CNTN5: variants seen among roughly 807,000 people sequenced by gnomAD.
CNTN5 encodes the protein contactin-5.
Under a neutral mutation model 129.1 loss-of-function variants are expected in CNTN5, and 77 were observed. The ratio of observed to expected loss-of-function variants is 0.60; its 90% confidence interval spans 0.50 to 0.72. The LOEUF is 0.72. Ranked by LOEUF, CNTN5 falls within the 30% of genes least tolerant of loss-of-function variation. The pLI, the probability that CNTN5 is intolerant of heterozygous loss-of-function variation, is 0.00. For synonymous variants in CNTN5, 509 were observed against 465.6 expected, an observed-to-expected ratio of 1.09 and a Z score of -1.20; for missense variants, 1,478 against 1,328.8, an observed-to-expected ratio of 1.11 and a Z score of -1.75.
intron 3 of CNTN5, among the ~76,000 whole-genome samples, chr11:99,770,083 A>T (rs1299572696): frequency 6.6e-6 from 1 of 152,178 alleles, no homozygotes; most frequent in Admixed American, 6.6e-5. Flanking sequence ...TTCCTGGAAC[A>T]GGAGTGTTTG....
intron 2 of CNTN5, among the ~76,000 whole-genome samples, chr11:99,415,666 G>A (rs1942625055): frequency 6.6e-6 from 1 of 152,116 alleles, no homozygotes; most frequent in African/African-American, 2.4e-5. Flanking sequence ...GGGAGAGCAG[G>A]AGAGTGTCAA....
chr11:100,206,012 T>G (rs1404714952), intron 15 of CNTN5, among the ~76,000 whole-genome samples: 2 of 152,060 alleles, frequency 1.3e-5, no homozygotes, highest in Non-Finnish European at 2.9e-5. Flanking sequence ...ATGGGAGGTA[T>G]ACGAATACAA....
rs1944038689 is a variant in CNTN5, at chr11:100,074,252, T to C, written c.1538T>C (p.Ile513Thr). ...CCCCAAGGCTCTCCAAAACCAACCATCTCTTGGAAGAAAGGAGACAGAGCA... is the reference window on the plus strand; with the variant it reads ...CCCCAAGGCTCTCCAAAACCAACCACCTCTTGGAAGAAAGGAGACAGAGCA... ...CKPQGSPKPT[I>T]SWKKGDRAVR... Residue 513 changes from isoleucine to threonine, a missense_variant, in exon 13 of 25, where the codon ATC becomes ACC. Ile to Thr is a moderately conservative substitution (Grantham distance 89, BLOSUM62 -1). Transcript: ENST00000524871. 1 of 1,610,236 alleles carries C rather than the reference T, an allele frequency of 6.2e-7. No homozygotes were observed. The highest frequency in any genetic ancestry group is 8.5e-7 in the Non-Finnish European group (1 of 1,177,930).
At chr11:99,746,149 C>A (rs1944049207) in intron 3 of CNTN5, among the ~76,000 whole-genome samples, 1 of 152,092 alleles carries the variant, frequency 6.6e-6, no homozygotes, top group Admixed American at 6.6e-5. Context: ...AAATCCTTGC[C>A]CAAACCAATG....
chr11:99,422,194 C>T (rs899288517), intron 2 of CNTN5, among the ~76,000 whole-genome samples: 1 of 152,058 alleles, frequency 6.6e-6, no homozygotes, highest in East Asian at 1.9e-4. Context: ...TTTAACTGTT[C>T]AGTAATAATT....
chr11:100,204,178 C>T (rs996154163), intron 15 of CNTN5, among the ~76,000 whole-genome samples: 5 of 149,174 alleles, frequency 3.4e-5, no homozygotes, highest in African/African-American at 9.8e-5. Flanking sequence ...AACACAGTAC[C>T]TGGTGCACAG....
Position 100,104,455 on chromosome 11 carries a change from GA to G in CNTN5, c.1580+30170del, listed in dbSNP as rs560131169. 5.8e-3 allele frequency among the ~76,000 whole-genome samples: 871 copies of G among 150,486 alleles called. 10 individuals are homozygous for G. The highest frequency in any genetic ancestry group is 0.02 in the African/African-American group (822 of 41,084). On this transcript the variant is annotated intron_variant, in intron 13 of 24. Coordinates refer to ENST00000524871, the MANE Select transcript of CNTN5 (RefSeq NM_014361.4). ...TAGGTACTATAAGCAGCAAGTTCTA[GA>G]AAAAAAAATCACATATAATAACTAT...
At chr11:99,554,152 T>A (rs570610927) in intron 2 of CNTN5, among the ~76,000 whole-genome samples, 1 of 152,224 alleles carries the variant, frequency 6.6e-6, no homozygotes, top group African/African-American at 2.4e-5. Flanking sequence ...ACATGGCATC[T>A]TATGAAAAGT....
intron 3 of CNTN5, among the ~76,000 whole-genome samples, chr11:99,739,158 C>A (rs1230561215): frequency 6.6e-6 from 1 of 152,058 alleles, no homozygotes; most frequent in Non-Finnish European, 1.5e-5. Context: ...ACTGCACTTA[C>A]CACATAGAGC....
chr11:99,645,149 G>C lies in CNTN5; in HGVS notation c.55+88880G>C, dbSNP rs191775727. ...ATGCTGGGTTCCTGTAGTCCCAGCT[G>C]CTCGGGAGGCTGAAGCTGGAGAATT... On this transcript the variant is annotated intron_variant, in intron 3 of 24. Transcript: ENST00000524871. Among the ~76,000 whole-genome samples, 520 of 147,406 alleles carry C rather than the reference G, an allele frequency of 3.5e-3. 7 individuals carry two copies. Among genetic ancestry groups the C allele is most frequent in the African/African-American group, 0.012 (501 of 40,150 alleles).
chr11:99,282,313 G>A (rs1241446056), intron 1 of CNTN5, among the ~76,000 whole-genome samples: 1 of 151,942 alleles, frequency 6.6e-6, no homozygotes, highest in Non-Finnish European at 1.5e-5. Context: ...GCATTGTGGG[G>A]CCATGCTGAG....
intron 3 of CNTN5, among the ~76,000 whole-genome samples, chr11:99,809,329 C>A (rs1946363009): frequency 6.6e-6 from 1 of 152,146 alleles, no homozygotes; most frequent in African/African-American, 2.4e-5. Context: ...ATAAAGTGAT[C>A]TCCTTGAGGT....
At chr11:99,307,643 A>C (rs957503914) in intron 1 of CNTN5, among the ~76,000 whole-genome samples, 3 of 152,154 alleles carry the variant, frequency 2.0e-5, no homozygotes, top group African/African-American at 7.2e-5. Flanking sequence ...GAATCAATAA[A>C]AGGCTGAGAG....
chr11:99,814,751 G>C (rs1946530376), intron 3 of CNTN5, among the ~76,000 whole-genome samples: 3 of 152,100 alleles, frequency 2.0e-5, no homozygotes, highest in Admixed American at 2.0e-4. Context: ...TGAAGTAGTT[G>C]AGATGCCAAA....
rs1265451811 is a variant in CNTN5 at position 100,299,393 on chromosome 11, G to A, written c.2617G>A (p.Gly873Arg). The change falls in exon 20 of 25, where the codon GGA becomes AGA. Residue 873 changes from glycine (G) to arginine (R), a missense_variant. Physicochemically the swap from Gly to Arg is moderately radical, Grantham distance 125 (BLOSUM62 -2). Transcript: ENST00000524871. ...AATTGTGGTCATCTGTTCAGCTGAAGGAGGTCAGTTTTTTTATTCCTATTA... is the reference window on the plus strand; with the variant it reads ...AATTGTGGTCATCTGTTCAGCTGAAAGAGGTCAGTTTTTTTATTCCTATTA... ...SQIVVICSAE[G>R]EPSAAPTDVK... 1.9e-6 allele frequency: 3 copies of A among 1,572,156 alleles called. No homozygotes were observed. Among genetic ancestry groups the A allele is most frequent in the Admixed American group, 1.9e-5 (1 of 53,080 alleles).
intron 13 of CNTN5, among the ~76,000 whole-genome samples, chr11:100,124,423 G>C (rs992145164): frequency 6.6e-6 from 1 of 151,920 alleles, no homozygotes; most frequent in Non-Finnish European, 1.5e-5. Flanking sequence ...TATAGATCCT[G>C]GCAGAGAAGT....
At chr11:99,200,266 T>A (rs1450222468) in intron 1 of CNTN5, among the ~76,000 whole-genome samples, 6 of 152,218 alleles carry the variant, frequency 3.9e-5, no homozygotes, top group African/African-American at 1.4e-4. Context: ...TTTCTATGAA[T>A]AATAATACTG....
In CNTN5 at chr11:100,230,290, A is replaced by G. The variant is rs187727947; in HGVS notation, c.2005+5478A>G. Among the ~76,000 whole-genome samples, 17 of 152,268 alleles carry G rather than the reference A, an allele frequency of 1.1e-4. No individual in the cohort carries two copies. In the East Asian group the frequency reaches 3.1e-3, roughly 28 times the overall value. On this transcript the variant is annotated intron_variant, in intron 16 of 24. Coordinates refer to ENST00000524871, the MANE Select transcript of CNTN5 (RefSeq NM_014361.4). Reference sequence around the variant, plus strand: ...GAAATATTAGATCACTATTATTGCTATTATTGTATGGGATTATTTAAATAG... The same window carrying G: ...GAAATATTAGATCACTATTATTGCTGTTATTGTATGGGATTATTTAAATAG...
intron 14 of CNTN5, among the ~76,000 whole-genome samples, chr11:100,192,559 C>T (rs933303234): frequency 6.6e-6 from 1 of 151,952 alleles, no homozygotes; most frequent in Admixed American, 6.6e-5. Context: ...AAATTTAAGC[C>T]AATTGTTAAT....
Sources: allele counts gnomAD v4.1 joint callset (sites outside exome capture counted in the v4.1 genomes callset), GRCh38; gene constraint gnomAD v4.1.1; transcripts MANE v1.5; gene names NCBI Gene and HGNC (gene_info 2026-07-23, HGNC 2026-07-21).